The following CCDC93 variants were observed in gnomAD, a reference collection of about 807,000 sequenced individuals.
CCDC93 encodes CCC complex scaffolding subunit CCDC93, also known as coiled-coil domain-containing protein 93.
In CCDC93, 61 loss-of-function variants were observed where a neutral mutation model predicts 108.2. That is an observed-to-expected ratio of 0.56 (90% CI 0.46 to 0.70). CCDC93 has a LOEUF of 0.70. CCDC93 is among the 30% of genes least tolerant of loss of function. The probability of loss-of-function intolerance (pLI) is 0.00; values close to 1 mark genes in which losing one functional copy is unlikely to be tolerated. For synonymous variants in CCDC93, 276 were observed against 260.4 expected, an observed-to-expected ratio of 1.06 and a Z score of -0.58; for missense variants, 685 against 764.2, an observed-to-expected ratio of 0.90 and a Z score of 1.22.
At chr2:117,946,674 G>C (rs191356368) in intron 16 of CCDC93, 137 bp downstream of exon 16, 113 of 632,618 alleles carry the variant, frequency 1.8e-4, no homozygotes, top group African/African-American at 1.7e-3. Context: ...ATCTAAGAAG[G>C]TCACAGAAGG....
At chr2:117,984,525 C>A (rs1474179602) in intron 7 of CCDC93, among the ~76,000 whole-genome samples, 1 of 152,136 alleles carries the variant, frequency 6.6e-6, no homozygotes, top group African/African-American at 2.4e-5. Flanking sequence ...CCCATTTGAA[C>A]CTGAGAATTT....
intron 13 of CCDC93, chr2:117,949,698 C>CAAAAATT: frequency 7.4e-6 from 7 of 949,638 alleles, no homozygotes; most frequent in Non-Finnish European, 8.8e-6. Flanking sequence ...GTTACTTATT[C>CAAAAATT]AAAAATTAAA....
chr2:118,000,548 C>T (rs1394169852), intron 4 of CCDC93, among the ~76,000 whole-genome samples: 2 of 152,086 alleles, frequency 1.3e-5, no homozygotes, highest in African/African-American at 4.8e-5. Flanking sequence ...GCATACCAGG[C>T]TACAGAGTTC....
At chr2:117,996,925 G>C (rs1680671526) in intron 4 of CCDC93, 1 of 152,552 alleles carries the variant, frequency 6.6e-6, no homozygotes, top group African/African-American at 2.4e-5. Context: ...CGCAGTTGAA[G>C]GCACTGGTTT....
At chr2:117,982,636 C>G (rs1371160672) in intron 7 of CCDC93, among the ~76,000 whole-genome samples, 1 of 152,104 alleles carries the variant, frequency 6.6e-6, no homozygotes, top group African/African-American at 2.4e-5. Context: ...ATACTGATTT[C>G]AGACCTTCTT....
chr2:118,003,985 A>AT (rs1287972170), intron 3 of CCDC93, among the ~76,000 whole-genome samples: 1 of 152,190 alleles, frequency 6.6e-6, no homozygotes, highest in Non-Finnish European at 1.5e-5. Context: ...CTAGACTAAG[A>AT]TTTTAACATG....
chr2:117,915,641 T>C lies in CCDC93; in HGVS notation c.*4702A>G, dbSNP rs916282455. 4 of 152,134 alleles carry C rather than the reference T, an allele frequency of 2.6e-5. No individual in the cohort carries two copies. Among genetic ancestry groups the C allele is most frequent in the Non-Finnish European group, 4.4e-5 (3 of 68,026 alleles). The allele number at this position is 152,134 out of a possible 1,614,324, so 9.4% of individuals were successfully genotyped here. Reference sequence around the variant, plus strand: ...TACAAAATTCAAAAGGTACAAAAGGTGTACATTGAAAAGTCATTCCCACCC... The same window carrying C: ...TACAAAATTCAAAAGGTACAAAAGGCGTACATTGAAAAGTCATTCCCACCC... On this transcript the variant is annotated 3_prime_UTR_variant, in exon 24 of 24. Transcript: ENST00000376300.
chr2:117,942,293 T>A (rs1678725677), intron 18 of CCDC93, among the ~76,000 whole-genome samples: 1 of 151,884 alleles, frequency 6.6e-6, no homozygotes, highest in Non-Finnish European at 1.5e-5. Flanking sequence ...TTTAAATACA[T>A]TCATGTCCTC....
intron 23 of CCDC93, among the ~76,000 whole-genome samples, chr2:117,930,102 T>TCTCC: frequency 6.6e-6 from 1 of 152,150 alleles, no homozygotes; most frequent in Non-Finnish European, 1.5e-5. Flanking sequence ...CTTCTAGAAG[T>TCTCC]TAAATCACAG....
Position 118,008,960 on chromosome 2 carries a change from A to G in CCDC93, c.43-302T>C, listed in dbSNP as rs558128355. The stretch of plus-strand genomic sequence containing the variant: ...GGAATCCAGGGAAAAGGAAGGTTAG[A>G]GCACAATACTTCCTTTTTCTCTAAC... On this transcript the variant is annotated intron_variant, in intron 1 of 23. Coordinates refer to ENST00000376300, the MANE Select transcript of CCDC93 (RefSeq NM_019044.5). The G allele has an allele frequency of 3.9e-4, 97 of 250,612 alleles. 1 individual carries two copies. In the Admixed American group the frequency reaches 4.9e-3, roughly 13 times the overall value. The allele number at this position is 250,612 out of a possible 1,614,324, so 15.5% of individuals were successfully genotyped here. A position where few individuals can be genotyped will look rare whatever the true frequency, so the allele number is the denominator to read the frequency against.
chr2:117,975,094 G>T, intron 9 of CCDC93, 94 bp downstream of exon 9: 1 of 1,152,370 alleles, frequency 8.7e-7, no homozygotes, highest in Non-Finnish European at 1.3e-6. Context: ...GGCTGTGGGA[G>T]GTGGTGGCCA....
chr2:117,929,978 C>G (rs1025632142), intron 23 of CCDC93, among the ~76,000 whole-genome samples: 4 of 152,206 alleles, frequency 2.6e-5, no homozygotes, highest in Non-Finnish European at 5.9e-5. Context: ...CCCACCACAG[C>G]GTATGCTCCT....
chr2:117,952,188 A>G (rs565707630), intron 13 of CCDC93, among the ~76,000 whole-genome samples, 185 bp downstream of exon 13: 12 of 151,962 alleles, frequency 7.9e-5, no homozygotes, highest in Non-Finnish European at 1.6e-4. Flanking sequence ...CAGTGTGGGC[A>G]AACTGATGAC....
chr2:117,945,625 G>T, intron 16 of CCDC93, 43 bp from the exon 17 acceptor site: 1 of 1,556,562 alleles, frequency 6.4e-7, no homozygotes, highest in Non-Finnish European at 8.9e-7. Flanking sequence ...CTGAGCATTC[G>T]GGAATAAGAC....
intron 23 of CCDC93, among the ~76,000 whole-genome samples, chr2:117,928,327 C>T (rs556580234): frequency 2.2e-4 from 34 of 152,004 alleles, no homozygotes; most frequent in Admixed American, 4.6e-4. Flanking sequence ...AACAGGCAAC[C>T]TAAAGAATGG....
intron 1 of CCDC93, among the ~76,000 whole-genome samples, chr2:118,009,497 C>T (rs1056012694): frequency 6.6e-6 from 1 of 152,190 alleles, no homozygotes; most frequent in East Asian, 1.9e-4. Context: ...ATGGCAAAAC[C>T]CCACCTCTAC....
Position 117,917,673 on chromosome 2 carries a change from C to T in CCDC93, c.*2670G>A, listed in dbSNP as rs886299616. On this transcript the variant is annotated 3_prime_UTR_variant, in exon 24 of 24. Transcript: ENST00000376300. ...AGTGGTGTTAGCTAACCCAGTCATC[C>T]AACAGAGACGGAGCACAGGTCAAAG... 2 of 152,284 alleles carry T rather than the reference C, an allele frequency of 1.3e-5. No individual in the cohort carries two copies. Among genetic ancestry groups the T allele is most frequent in the African/African-American group, 4.8e-5 (2 of 41,464 alleles). The allele number at this position is 152,284 out of a possible 1,614,324, so 9.4% of individuals were successfully genotyped here. A position where few individuals can be genotyped will look rare whatever the true frequency, so the allele number is the denominator to read the frequency against.
intron 6 of CCDC93, among the ~76,000 whole-genome samples, chr2:117,989,605 C>T (rs1680417215): frequency 6.6e-6 from 1 of 152,138 alleles, no homozygotes. Context: ...TACATGGAGT[C>T]AAACAAGCTA....
intron 11 of CCDC93, among the ~76,000 whole-genome samples, chr2:117,968,488 C>T (rs963678798): frequency 3.3e-5 from 5 of 152,164 alleles, no homozygotes; most frequent in Middle Eastern, 3.2e-3. Flanking sequence ...CTAGAGTCTA[C>T]GGACACTCAT....
Sources: allele counts gnomAD v4.1 joint callset (sites outside exome capture counted in the v4.1 genomes callset), GRCh38; gene constraint gnomAD v4.1.1; transcripts MANE v1.5; gene names NCBI Gene and HGNC (gene_info 2026-07-23, HGNC 2026-07-21).